RIMS1: variants seen among roughly 807,000 people sequenced by gnomAD.
The protein encoded by RIMS1 is regulating synaptic membrane exocytosis protein 1.
RIMS1 carries 83 observed loss-of-function variants against 214.1 expected under a neutral mutation model. That is an observed-to-expected ratio of 0.39 (90% CI 0.32 to 0.47). RIMS1 has a LOEUF of 0.47. RIMS1 is among the 20% of genes least tolerant of loss of function. The pLI is 0.99. For missense variants in RIMS1, 2,050 were observed against 2,161.8 expected (o/e 0.95, Z 1.03); for synonymous variants, 793 against 786.8 (o/e 1.01, Z -0.13).
intron 26 of RIMS1, among the ~76,000 whole-genome samples, chr6:72,296,201 G>GT (rs2094072095): frequency 6.6e-6 from 1 of 151,674 alleles, no homozygotes; most frequent in Non-Finnish European, 1.5e-5. Context: ...TAAAATTAAT[G>GT]TTTTTTTAAA....
At chr6:72,261,445 C>T in intron 19 of RIMS1, 10 of 983,460 alleles carry the variant, frequency 1.0e-5, no homozygotes, top group Non-Finnish European at 1.2e-5. Flanking sequence ...GAGCTTAGAG[C>T]CTGATGCTTT....
At chr6:72,320,142 G>A (rs770320574) in intron 28 of RIMS1, among the ~76,000 whole-genome samples, 2 of 152,104 alleles carry the variant, frequency 1.3e-5, no homozygotes, top group African/African-American at 2.4e-5. Context: ...TTAACAGTTG[G>A]ATTTGACACT....
intron 1 of RIMS1, among the ~76,000 whole-genome samples, chr6:71,959,444 A>G (rs1263004794): frequency 6.6e-6 from 1 of 152,154 alleles, no homozygotes; most frequent in Non-Finnish European, 1.5e-5. Flanking sequence ...TGGGGAAAAG[A>G]CATACTTACA....
At chr6:72,179,150 T>C (rs1210474402) in intron 4 of RIMS1, among the ~76,000 whole-genome samples, 1 of 152,226 alleles carries the variant, frequency 6.6e-6, no homozygotes, top group Non-Finnish European at 1.5e-5. Flanking sequence ...TACTTGCAAG[T>C]ACTGAGGTTT....
chr6:72,260,976 A>G (rs2077715321), intron 19 of RIMS1: 10 of 1,342,896 alleles, frequency 7.4e-6, no homozygotes, highest in Middle Eastern at 2.9e-4. Flanking sequence ...TGCCATCTGT[A>G]GATTCAAAAA....
intron 4 of RIMS1, among the ~76,000 whole-genome samples, chr6:72,150,372 T>A (rs1442941097): frequency 6.6e-6 from 1 of 152,194 alleles, no homozygotes; most frequent in Non-Finnish European, 1.5e-5. Flanking sequence ...TATTTTGGCT[T>A]TCAGACTTTA....
rs1187756939 is a variant in RIMS1, at chr6:72,182,991, A to G, written c.1520A>G (p.Glu507Gly). ...RNDSLSSDQSESVRPSPPKPH... is the reference protein window; with the variant it reads ...RNDSLSSDQSGSVRPSPPKPH... ...GACTCTTTGAGCTCAGACCAGTCCG[A>G]GTCGGTGCGGCCGTCCCCGCCCAAG... Residue 507 changes from glutamate to glycine, a missense_variant, in exon 6 of 34, where the codon GAG becomes GGG. Glu to Gly is a moderately conservative substitution (Grantham distance 98). Transcript: ENST00000521978. 1.3e-6 allele frequency: 2 copies of G among 1,594,188 alleles called. No homozygotes were observed. The highest frequency in any genetic ancestry group is 2.3e-5 in the South Asian group (2 of 87,780).
intron 3 of RIMS1, among the ~76,000 whole-genome samples, chr6:72,097,979 A>C (rs577217692): frequency 1.2e-4 from 19 of 152,304 alleles, no homozygotes; most frequent in African/African-American, 4.6e-4. Flanking sequence ...AAATCTTGAT[A>C]GATTTCCTTG....
At chr6:72,306,864 A>G (rs1353135224) in intron 26 of RIMS1, among the ~76,000 whole-genome samples, 1 of 152,232 alleles carries the variant, frequency 6.6e-6, no homozygotes, top group Non-Finnish European at 1.5e-5. Flanking sequence ...GCATGTGCAT[A>G]TAGTGCGATG....
intron 19 of RIMS1, chr6:72,264,043 G>C (rs2079302037): frequency 1.2e-6 from 1 of 824,328 alleles, no homozygotes; most frequent in East Asian, 1.2e-4. Flanking sequence ...TTTAATTGAA[G>C]TTTTAAGGGA....
intron 2 of RIMS1, among the ~76,000 whole-genome samples, chr6:71,973,405 A>G (rs961335560): frequency 7.2e-5 from 11 of 152,160 alleles, no homozygotes; most frequent in Non-Finnish European, 1.6e-4. Flanking sequence ...AACAGTGGCT[A>G]TAAACTCTAG....
chr6:72,349,732 C>T (rs1407004377), intron 29 of RIMS1, among the ~76,000 whole-genome samples: 2 of 151,968 alleles, frequency 1.3e-5, no homozygotes, highest in African/African-American at 4.8e-5. Flanking sequence ...AGTTAATCAT[C>T]TTTAGGTAAC....
At position 72,063,182 on chromosome 6, in the gene RIMS1, G is replaced by A. The variant is rs527390130; in HGVS notation, c.246-33767G>A. ...TTATCACACTAAAAGGGACAAAGGA[G>A]CAGGAGTATGTATTTACAAACCCCT... On this transcript the variant is annotated intron_variant, in intron 2 of 33. Transcript: ENST00000521978. 6.6e-5 allele frequency among the ~76,000 whole-genome samples: 10 copies of A among 152,246 alleles called. No individual in the cohort carries two copies. In the South Asian group the frequency reaches 1.9e-3, roughly 28 times the overall value.
At chr6:72,351,536 C>G (rs1266601792) in intron 29 of RIMS1, among the ~76,000 whole-genome samples, 1 of 152,156 alleles carries the variant, frequency 6.6e-6, no homozygotes, top group Non-Finnish European at 1.5e-5. Flanking sequence ...GACTGTGACA[C>G]AGGACCCTGA....
chr6:72,090,494 G>A (rs1310557233), intron 2 of RIMS1, among the ~76,000 whole-genome samples: 7 of 151,714 alleles, frequency 4.6e-5, no homozygotes, highest in Admixed American at 2.0e-4. Context: ...AAGAAGCCAC[G>A]ATGTACAAAC....
intron 2 of RIMS1, among the ~76,000 whole-genome samples, chr6:72,028,502 G>C (rs1235656282): frequency 6.6e-6 from 1 of 152,144 alleles, no homozygotes; most frequent in African/African-American, 2.4e-5. Context: ...AATGGAAGCT[G>C]AGTAATGTTT....
rs780437251 is a variant in RIMS1, at chr6:71,908,299, A to G, written c.164+21112A>G. 1.8e-4 allele frequency among the ~76,000 whole-genome samples: 27 copies of G among 152,210 alleles called. 1 individual carries two copies. Among genetic ancestry groups the G allele is most frequent in the Non-Finnish European group, 4.0e-4 (27 of 68,042 alleles). ...GAGCCCCAGTGGGGAATTTTCCCAG[A>G]AGAGAGAAATGAGGCATCCGTTGGT... On this transcript the variant is annotated intron_variant, in intron 1 of 33. Transcript: ENST00000521978.
At chr6:72,290,354 T>C (rs1360334939) in intron 24 of RIMS1, among the ~76,000 whole-genome samples, 1 of 152,134 alleles carries the variant, frequency 6.6e-6, no homozygotes, top group Non-Finnish European at 1.5e-5. Context: ...GCAGCTGTGT[T>C]GTAAGCACTT....
At chr6:72,136,049 TA>T (rs2041228387) in intron 4 of RIMS1, among the ~76,000 whole-genome samples, 1 of 152,120 alleles carries the variant, frequency 6.6e-6, no homozygotes, top group South Asian at 2.1e-4. Flanking sequence ...AAGAATGAGT[TA>T]GGAATTAAAA....
Sources: allele counts gnomAD v4.1 joint callset (sites outside exome capture counted in the v4.1 genomes callset), GRCh38; gene constraint gnomAD v4.1.1; transcripts MANE v1.5; gene names NCBI Gene and HGNC (gene_info 2026-07-23, HGNC 2026-07-21).